CHST9: variants seen among roughly 807,000 people sequenced by gnomAD.
CHST9 encodes GalNAc-4-sulfotransferase 2.
Under a neutral mutation model 44.4 loss-of-function variants are expected in CHST9, and 41 were observed. The observed-to-expected ratio is 0.92, with a 90% CI of 0.72 to 1.20. CHST9 has a LOEUF of 1.20. Ranked by LOEUF, CHST9 falls within the 50% of genes most tolerant of loss-of-function variation. The pLI is 0.00. For synonymous variants in CHST9, 171 were observed against 178.4 expected (o/e 0.96, Z 0.33); for missense variants, 504 against 516.5 (o/e 0.98, Z 0.23).
intron 5 of CHST9, among the ~76,000 whole-genome samples, chr18:26,938,898 C>A (rs1341792392): frequency 2.0e-5 from 3 of 152,178 alleles, no homozygotes; most frequent in Non-Finnish European, 4.4e-5. Flanking sequence ...TTATAAGAAT[C>A]AATGACACAG....
intron 2 of CHST9, among the ~76,000 whole-genome samples, chr18:27,100,486 T>A (rs1415768205): frequency 6.6e-6 from 1 of 151,970 alleles, no homozygotes; most frequent in East Asian, 1.9e-4. Flanking sequence ...CACACACCTA[T>A]GGAAGGAAGA....
intron 3 of CHST9, among the ~76,000 whole-genome samples, chr18:27,038,402 T>C (rs1055956744): frequency 6.6e-6 from 1 of 151,970 alleles, no homozygotes; most frequent in Non-Finnish European, 1.5e-5. Context: ...AAAAATTAGC[T>C]GCGTGTGGTG....
At chr18:27,133,550 G>A (rs1426980203) in intron 2 of CHST9, among the ~76,000 whole-genome samples, 3 of 152,196 alleles carry the variant, frequency 2.0e-5, no homozygotes, top group Non-Finnish European at 4.4e-5. Context: ...GCATCTGGAA[G>A]CAGGGGCAGC....
intron 1 of CHST9, among the ~76,000 whole-genome samples, chr18:27,164,833 C>T (rs2058777546): frequency 6.6e-6 from 1 of 152,132 alleles, no homozygotes; most frequent in Non-Finnish European, 1.5e-5. Context: ...CTTCAAAATT[C>T]TCAAGGAAAA....
At chr18:27,067,841 G>A (rs888099031) in intron 2 of CHST9, among the ~76,000 whole-genome samples, 6 of 152,120 alleles carry the variant, frequency 3.9e-5, no homozygotes, top group East Asian at 1.9e-4. Flanking sequence ...GGCGTGGTCT[G>A]GAGAAAGGGT....
intron 2 of CHST9, among the ~76,000 whole-genome samples, chr18:27,137,338 G>A (rs1272143959): frequency 6.3e-5 from 9 of 143,244 alleles, no homozygotes; most frequent in Non-Finnish European, 1.1e-4. Flanking sequence ...GTGTGTGTGT[G>A]TGTGTGTGTG....
At chr18:26,919,386 T>A (rs1480768204) in intron 5 of CHST9, among the ~76,000 whole-genome samples, 1 of 152,220 alleles carries the variant, frequency 6.6e-6, no homozygotes, top group African/African-American at 2.4e-5. Context: ...TTGTAGTACA[T>A]AAAGTTGTCA....
chr18:27,128,431 G>T (rs867336240), intron 2 of CHST9, among the ~76,000 whole-genome samples: 3 of 152,028 alleles, frequency 2.0e-5, no homozygotes, highest in Non-Finnish European at 4.4e-5. Context: ...CATGACGCCC[G>T]GCTAATTTTT....
intron 4 of CHST9, among the ~76,000 whole-genome samples, chr18:26,951,991 A>G (rs1178115319): frequency 2.4e-4 from 36 of 152,204 alleles, no homozygotes; most frequent in Admixed American, 2.4e-3. Flanking sequence ...GATAAACTAG[A>G]GGTGGGTTCC....
chr18:27,088,072 C>T (rs929231214), intron 2 of CHST9, among the ~76,000 whole-genome samples: 1 of 152,098 alleles, frequency 6.6e-6, no homozygotes, highest in East Asian at 1.9e-4. Context: ...ATTATAGGCT[C>T]CCAGTTTATA....
At chr18:27,051,769 T>C (rs886403460) in intron 2 of CHST9, among the ~76,000 whole-genome samples, 1 of 152,230 alleles carries the variant, frequency 6.6e-6, no homozygotes, top group Admixed American at 6.5e-5. Flanking sequence ...GATAAGTTTA[T>C]TGTTGTTTTT....
intron 4 of CHST9, among the ~76,000 whole-genome samples, chr18:26,968,312 TGA>T (rs2056494003): frequency 6.6e-6 from 1 of 152,178 alleles, no homozygotes. Flanking sequence ...CAACAATTTA[TGA>T]GAGTTTGTTA....
chr18:27,150,839 A>G (rs1246743684), intron 1 of CHST9, among the ~76,000 whole-genome samples: 1 of 152,208 alleles, frequency 6.6e-6, no homozygotes, highest in African/African-American at 2.4e-5. Flanking sequence ...GTCTTTTAGA[A>G]AACTATAAAA....
At chr18:27,106,938 T>C (rs887164475) in intron 2 of CHST9, among the ~76,000 whole-genome samples, 5 of 152,214 alleles carry the variant, frequency 3.3e-5, no homozygotes, top group African/African-American at 4.8e-5. Flanking sequence ...CTAGGTTATA[T>C]ATGTGTACAT....
intron 4 of CHST9, among the ~76,000 whole-genome samples, chr18:26,998,989 C>T (rs1199031088): frequency 6.6e-6 from 1 of 152,096 alleles, no homozygotes; most frequent in African/African-American, 2.4e-5. Context: ...ATTCCCCAGC[C>T]CCATTTCCTT....
In CHST9 at chr18:26,961,679, T is replaced by C. The variant is rs567315342; in HGVS notation, c.203-17313A>G. Among the ~76,000 whole-genome samples the C allele has an allele frequency of 2.6e-5, 4 of 152,348 alleles. No homozygotes were observed. In the South Asian group the frequency reaches 8.3e-4, roughly 32 times the overall value. On this transcript the variant is annotated intron_variant, in intron 4 of 5. Transcript: ENST00000618847. ...CTGGGCTCAATCGATCCTCTTGCCT[T>C]GGCCTCCCAAAGTGTTGGAATTGCA...
chr18:27,060,056 G>A (rs1303166132), intron 2 of CHST9, among the ~76,000 whole-genome samples: 1 of 152,206 alleles, frequency 6.6e-6, no homozygotes, highest in East Asian at 1.9e-4. Context: ...TTCATTTTAG[G>A]TGTAGAAGAG....
At chr18:26,974,635 T>C (rs1375412060) in intron 4 of CHST9, among the ~76,000 whole-genome samples, 1 of 152,064 alleles carries the variant, frequency 6.6e-6, no homozygotes. Context: ...AACAAGCATA[T>C]AGTAGGCAGA....
At chr18:27,110,357 T>G (rs1013481352) in intron 2 of CHST9, among the ~76,000 whole-genome samples, 2 of 152,202 alleles carry the variant, frequency 1.3e-5, no homozygotes, top group African/African-American at 4.8e-5. Flanking sequence ...CTGACATTTC[T>G]GTATTAATCA....
Sources: allele counts gnomAD v4.1 joint callset (sites outside exome capture counted in the v4.1 genomes callset), GRCh38; gene constraint gnomAD v4.1.1; transcripts MANE v1.5; gene names NCBI Gene and HGNC (gene_info 2026-07-23, HGNC 2026-07-21).